The following ARHGEF18 variants were observed in gnomAD, a reference collection of about 807,000 sequenced individuals.
ARHGEF18 encodes the protein Rho/Rac guanine nucleotide exchange factor 18.
In ARHGEF18, 93 loss-of-function variants were observed where a neutral mutation model predicts 155.7. The ratio of observed to expected loss-of-function variants is 0.60; its 90% CI spans 0.50 to 0.71. The LOEUF (loss-of-function observed/expected upper bound fraction) is 0.71. Ranked by LOEUF, ARHGEF18 falls within the 30% of genes least tolerant of loss-of-function variation. The pLI is 0.00. For synonymous variants in ARHGEF18, 742 were observed against 753.1 expected (o/e 0.99, Z 0.24); for missense variants, 1,593 against 1,816.1 (o/e 0.88, Z 2.23).
chr19:7,380,428 G>A (rs866426736), intron 7 of ARHGEF18, among the ~76,000 whole-genome samples: 12 of 149,762 alleles, frequency 8.0e-5, no homozygotes, highest in African/African-American at 2.0e-4. Context: ...GCAGTGAGCC[G>A]AGATCGCACC....
At chr19:7,425,361 C>CA (rs1037283218) in intron 10 of ARHGEF18, among the ~76,000 whole-genome samples, 5 of 151,792 alleles carry the variant, frequency 3.3e-5, no homozygotes, top group South Asian at 2.1e-4. Flanking sequence ...TACTTCCCCA[C>CA]AAAAAAAACA....
chr19:7,447,316 C>T (rs564419670), intron 15 of ARHGEF18, 148 bp downstream of exon 15: 16 of 656,326 alleles, frequency 2.4e-5, no homozygotes, highest in African/African-American at 9.4e-5. Flanking sequence ...TGGTGAAACC[C>T]CGTCTCTATT....
intron 1 of ARHGEF18, among the ~76,000 whole-genome samples, chr19:7,362,128 A>T: frequency 3.1e-5 from 1 of 31,892 alleles, no homozygotes; most frequent in East Asian, 5.5e-4. Context: ...GGAGAAGGAG[A>T]AGGAGAAGGA....
At chr19:7,377,841 T>C (rs1212649819) in intron 5 of ARHGEF18, among the ~76,000 whole-genome samples, 1 of 150,466 alleles carries the variant, frequency 6.6e-6, no homozygotes, top group African/African-American at 2.4e-5. Context: ...TCCTAGCACT[T>C]TGGGAGGCCG....
intron 3 of ARHGEF18, among the ~76,000 whole-genome samples, chr19:7,375,286 AAAG>A (rs1970387496): frequency 6.6e-5 from 6 of 91,216 alleles, no homozygotes; most frequent in Admixed American, 1.1e-4. Context: ...AAAAAAAAAG[AAAG>A]AAAAGAAAGA....
chr19:7,383,027 G>C (rs1337140291), intron 9 of ARHGEF18, 35 bp from the exon 10 acceptor site: 3 of 1,232,368 alleles, frequency 2.4e-6, no homozygotes, highest in Non-Finnish European at 3.0e-6. Flanking sequence ...AGTGCCTGCA[G>C]AGGGCATCCT....
At chr19:7,394,384 G>A (rs887010113) in intron 10 of ARHGEF18, among the ~76,000 whole-genome samples, 2 of 151,820 alleles carry the variant, frequency 1.3e-5, no homozygotes, top group Admixed American at 1.3e-4. Context: ...GACAGACCCT[G>A]CCCTCTCCAT....
At chr19:7,468,740 G>A in intron 26 of ARHGEF18, 85 bp from the exon 27 acceptor site, 1 of 1,384,880 alleles carries the variant, frequency 7.2e-7, no homozygotes, top group Non-Finnish European at 9.7e-7. Context: ...GAGGTCGAGG[G>A]TCTCCTGTGC....
At chr19:7,425,466 G>A (rs1973604883) in intron 10 of ARHGEF18, among the ~76,000 whole-genome samples, 2 of 151,280 alleles carry the variant, frequency 1.3e-5, no homozygotes. Flanking sequence ...GGCGGATCAC[G>A]AGGTCAGGAG....
At chr19:7,448,648 C>G (rs976507479) in intron 15 of ARHGEF18, among the ~76,000 whole-genome samples, 1 of 150,704 alleles carries the variant, frequency 6.6e-6, no homozygotes, top group African/African-American at 2.4e-5. Flanking sequence ...GCAACAAGAG[C>G]GAAACTCCGT....
intron 10 of ARHGEF18, among the ~76,000 whole-genome samples, chr19:7,406,277 G>T (rs2073564014): frequency 2.0e-5 from 3 of 152,172 alleles, no homozygotes; most frequent in Middle Eastern, 3.4e-3. Flanking sequence ...TAGAGACAGG[G>T]TTTCACCATG....
intron 14 of ARHGEF18, among the ~76,000 whole-genome samples, chr19:7,446,273 G>C (rs904198973): frequency 2.6e-5 from 4 of 151,742 alleles, no homozygotes; most frequent in Admixed American, 6.6e-5. Flanking sequence ...TCAGGAGGCT[G>C]TGGCAGGAGA....
chr19:7,440,351 C>T lies in ARHGEF18; in HGVS notation c.975C>T (p.Leu325=), dbSNP rs1974559466. 6.2e-7 allele frequency: 1 copy of T among 1,612,860 alleles called. No individual in the cohort carries two copies. Among genetic ancestry groups the T allele is most frequent in the South Asian group, 1.1e-5 (1 of 91,052 alleles). ...TCCTTGCCTCTGTCACAGCCTCGCTCAAGGAGCACCCCCGGGGCACCCTCC... is the reference window on the plus strand; with the variant it reads ...TCCTTGCCTCTGTCACAGCCTCGCTTAAGGAGCACCCCCGGGGCACCCTCC... The part of the protein sequence containing the change: ...CGKPFLSSAS[L]KEHPRGTLLS... Residue 325 remains leucine, a synonymous_variant, in exon 11 of 29, where the codon CTC becomes CTT. Transcript: ENST00000668164. This position sits in a 1 kb window ranked among gnomAD's most constrained non-coding sequence, Gnocchi z 5.4.
chr19:7,437,994 TCCTCCCCTCC>T (rs201898635), intron 10 of ARHGEF18, among the ~76,000 whole-genome samples: 2,477 of 133,498 alleles, frequency 0.019, 62 homozygotes, highest in African/African-American at 0.048. Context: ...CTCTCCTCTC[TCCTCCCCTCC>T]CCTCCCCTCC....
intron 5 of ARHGEF18, among the ~76,000 whole-genome samples, chr19:7,377,215 C>T (rs894505461): frequency 6.6e-6 from 1 of 152,084 alleles, no homozygotes; most frequent in Non-Finnish European, 1.5e-5. Context: ...GGACTACAAG[C>T]ACCCGCTACC....
intron 10 of ARHGEF18, among the ~76,000 whole-genome samples, chr19:7,438,552 C>T (rs937632242): frequency 2.0e-5 from 3 of 152,010 alleles, no homozygotes; most frequent in African/African-American, 4.8e-5. Context: ...GCTGGTTTTA[C>T]AGGCATGTGC....
chr19:7,471,887 C>T lies in ARHGEF18; in HGVS notation c.*1589C>T, dbSNP rs954256614. The T allele has an allele frequency of 6.6e-6, 1 of 152,482 alleles. No individual in the cohort carries two copies. The highest frequency in any genetic ancestry group is 1.5e-5 in the Non-Finnish European group (1 of 68,134). 9.4% of individuals were successfully genotyped at this position (152,482 alleles called of 1,614,324 possible). A position where few individuals can be genotyped will look rare whatever the true frequency, so the allele number is the denominator to read the frequency against. On this transcript the variant is annotated 3_prime_UTR_variant, in exon 29 of 29. Coordinates refer to ENST00000668164, the MANE Select transcript of ARHGEF18 (RefSeq NM_001367823.1). The surrounding 1 kb of genome is among the most constrained non-coding windows in gnomAD (Gnocchi z 4.4). The stretch of plus-strand genomic sequence containing the variant: ...CCAGGCTCCTGGCCCCTCCGACGAC[C>T]TCAACTCTGCCCAGCCCGGTCCCTG...
At chr19:7,374,442 C>A (rs1273895952) in intron 3 of ARHGEF18, among the ~76,000 whole-genome samples, 3 of 151,670 alleles carry the variant, frequency 2.0e-5, no homozygotes, top group Non-Finnish European at 2.9e-5. Flanking sequence ...TTTGGGAGGC[C>A]AAGGCGGGTG....
chr19:7,450,955 G>A (rs796627592), intron 15 of ARHGEF18, among the ~76,000 whole-genome samples, 194 bp from the exon 16 acceptor site: 3 of 1,188 alleles, frequency 2.5e-3, no homozygotes, highest in East Asian at 0.05. Context: ...ATGTTAATGC[G>A]GGATCTTGCT....
Sources: allele counts gnomAD v4.1 joint callset (sites outside exome capture counted in the v4.1 genomes callset), GRCh38; gene constraint gnomAD v4.1.1; non-coding constraint Gnocchi (gnomAD v3.1); transcripts MANE v1.5; gene names NCBI Gene and HGNC (gene_info 2026-07-23, HGNC 2026-07-21).